The following RRM2 variants were observed in gnomAD, a reference collection of about 807,000 sequenced individuals.
RRM2 encodes ribonucleotide reductase regulatory subunit M2.
Under a neutral mutation model 45.9 loss-of-function variants are expected in RRM2, and 6 were observed. The ratio of observed to expected loss-of-function variants is 0.13; its 90% CI spans 0.07 to 0.26. The LOEUF (loss-of-function observed/expected upper bound fraction) is 0.26, where lower values mean the gene tolerates loss of function less well. Among genes scored for constraint, RRM2 ranks in the 10% least tolerant of loss-of-function variants. The pLI is 1.00. For missense variants in RRM2, 343 were observed against 489.5 expected (o/e 0.70, Z 2.82); for synonymous variants, 177 against 173.0 (o/e 1.02, Z -0.18).
chr2:10,192,638 C>T (rs951541030), intron 3 of RRM2: 5 of 154,540 alleles, frequency 3.2e-5, no homozygotes, highest in Non-Finnish European at 5.9e-5. Flanking sequence ...TCCCTGTTTC[C>T]TGTCTCAGGA....
At chr2:10,161,628 ATGCTCACTCATG>A (rs1400694059) in intron 3 of RRM2, among the ~76,000 whole-genome samples, 1 of 152,078 alleles carries the variant, frequency 6.6e-6, no homozygotes. Flanking sequence ...ATACTCACAC[ATGCTCACTCATG>A]CACTCACACA....
intron 5 of RRM2, among the ~76,000 whole-genome samples, chr2:10,125,768 T>C (rs1288074814): frequency 6.6e-6 from 1 of 152,212 alleles, no homozygotes; most frequent in African/African-American, 2.4e-5. Flanking sequence ...GTAGCCGTTG[T>C]AGACTTTGAA....
At chr2:10,200,851 GA>G (rs1226121568) in intron 3 of RRM2, among the ~76,000 whole-genome samples, 1 of 152,160 alleles carries the variant, frequency 6.6e-6, no homozygotes, top group African/African-American at 2.4e-5. Context: ...TGCCATAAAA[GA>G]AAACAGACTT....
At chr2:10,138,527 T>C (rs975914435), upstream of RRM2, among the ~76,000 whole-genome samples, 1 of 152,034 alleles carries the variant, frequency 6.6e-6, no homozygotes, top group Non-Finnish European at 1.5e-5. Context: ...GGTCTCGAAC[T>C]CCTGACCTCA....
chr2:10,151,090 G>A (rs1273719448), intron 3 of RRM2, among the ~76,000 whole-genome samples: 6 of 152,296 alleles, frequency 3.9e-5, no homozygotes, highest in East Asian at 3.9e-4. Context: ...TGGAATTACA[G>A]GCATGCGCCA....
intron 3 of RRM2, among the ~76,000 whole-genome samples, chr2:10,180,739 CT>C (rs1310472143): frequency 1.3e-5 from 2 of 151,096 alleles, no homozygotes; most frequent in Non-Finnish European, 2.9e-5. Context: ...TCTGTTCCCC[CT>C]GTAACACTTT....
intron 3 of RRM2, among the ~76,000 whole-genome samples, chr2:10,177,690 CCTTCCTTCCTTCCTTCCTCT>C (rs1290947284): frequency 6.6e-5 from 10 of 150,458 alleles, no homozygotes; most frequent in African/African-American, 2.5e-4. Flanking sequence ...TTCCTTCCTT[CCTTCCTTCCTTCCTTCCTCT>C]CTCCCTCCCT....
exon 1 of RRM2, chr2:10,141,523 G>A: frequency 3.0e-6 from 1 of 338,290 alleles, no homozygotes. Flanking sequence ...AGAGGTCTGG[G>A]CACATGGTGG....
At chr2:10,124,895 T>C in intron 5 of RRM2, 45 bp downstream of exon 5, 2 of 1,549,106 alleles carry the variant, frequency 1.3e-6, no homozygotes, top group Non-Finnish European at 1.8e-6. Flanking sequence ...ACTCACTAAT[T>C]GTTGATTTAT....
chr2:10,126,762 G>A (rs1572488494), intron 5 of RRM2, 113 bp from the exon 6 acceptor site: 2 of 748,940 alleles, frequency 2.7e-6, no homozygotes, highest in Non-Finnish European at 4.5e-6. Flanking sequence ...TTTAGGAAGA[G>A]GATTGGCAAA....
chr2:10,196,258 G>C (rs939713036), intron 3 of RRM2, among the ~76,000 whole-genome samples: 2 of 152,142 alleles, frequency 1.3e-5, no homozygotes, highest in Admixed American at 6.5e-5. Flanking sequence ...AGAGGGGTGG[G>C]GTGGGCCACG....
chr2:10,159,466 C>T (rs967158165), intron 3 of RRM2, among the ~76,000 whole-genome samples: 3 of 152,230 alleles, frequency 2.0e-5, no homozygotes, highest in Admixed American at 6.5e-5. Context: ...GCGGGTCTCT[C>T]CTCCGACTCA....
chr2:10,148,779 T>C (rs1663245042), intron 3 of RRM2, among the ~76,000 whole-genome samples: 1 of 152,220 alleles, frequency 6.6e-6, no homozygotes, highest in Admixed American at 6.5e-5. Flanking sequence ...TTCAAGAAAA[T>C]TTTCTTGAAT....
At chr2:10,142,207 C>T in intron 2 of RRM2, 1 of 1,559,100 alleles carries the variant, frequency 6.4e-7, no homozygotes, top group Non-Finnish European at 8.7e-7. Context: ...TGGGTGTGTA[C>T]ATGCAGGTCT....
chr2:10,122,638 T>A (rs1662675904), upstream of RRM2: 3 of 1,543,044 alleles, frequency 1.9e-6, no homozygotes, highest in East Asian at 4.9e-5. Context: ...GTCGGAGGCA[T>A]GGCACAGCCA....
At chr2:10,187,222 G>C (rs1487649569) in intron 3 of RRM2, among the ~76,000 whole-genome samples, 1 of 152,250 alleles carries the variant, frequency 6.6e-6, no homozygotes, top group Non-Finnish European at 1.5e-5. Flanking sequence ...CCCAGCAGAA[G>C]GGTCCCGCAG....
chr2:10,164,658 T>C (rs977351667), intron 3 of RRM2, among the ~76,000 whole-genome samples: 7 of 152,152 alleles, frequency 4.6e-5, no homozygotes, highest in African/African-American at 1.7e-4. Context: ...AAGGGCTACT[T>C]ACAGATGCAG....
intron 3 of RRM2, among the ~76,000 whole-genome samples, chr2:10,149,245 C>G (rs1399215881): frequency 6.6e-6 from 1 of 152,060 alleles, no homozygotes; most frequent in Non-Finnish European, 1.5e-5. Flanking sequence ...TCTCCTACCT[C>G]AGCCTCCCAG....
At chr2:10,150,771 GTTTTTTTT>G (rs61292654) in intron 3 of RRM2, among the ~76,000 whole-genome samples, 1 of 92,874 alleles carries the variant, frequency 1.1e-5, no homozygotes, top group Admixed American at 1.2e-4. Context: ...AGTGTGTTGT[GTTTTTTTT>G]TTTTTTTTTT....
Sources: gnomAD v4.1 joint callset for allele counts (sites outside exome capture counted in the v4.1 genomes callset) on GRCh38, gnomAD v4.1.1 for gene constraint, MANE v1.5 for transcripts, NCBI Gene and HGNC (gene_info 2026-07-23, HGNC 2026-07-21) for gene names.